Variants in MDGA2 observed in about 807,000 individuals in gnomAD.
MDGA2 encodes the protein MAM domain-containing glycosylphosphatidylinositol anchor protein 2.
MDGA2 carries 40 observed loss-of-function variants against 117.8 expected under a neutral mutation model. The observed-to-expected ratio is 0.34, with a 90% CI of 0.26 to 0.44. The LOEUF (loss-of-function observed/expected upper bound fraction) is 0.44. Ranked by LOEUF, MDGA2 falls within the 20% of genes least tolerant of loss-of-function variation. The probability of loss-of-function intolerance (pLI) is 1.00; values close to 1 mark genes in which losing one functional copy is unlikely to be tolerated. For synonymous variants in MDGA2, 452 were observed against 439.0 expected (o/e 1.03, Z -0.37); for missense variants, 1,123 against 1,250.6 (o/e 0.90, Z 1.54).
intron 1 of MDGA2, among the ~76,000 whole-genome samples, chr14:47,654,347 C>G (rs535812189): frequency 5.9e-4 from 90 of 152,142 alleles, no homozygotes; most frequent in African/African-American, 2.0e-3. Context: ...TGTTAAGAGA[C>G]TAGTGTTTCC....
chr14:47,550,775 A>G (rs1342570414), intron 1 of MDGA2, among the ~76,000 whole-genome samples: 1 of 152,236 alleles, frequency 6.6e-6, no homozygotes, highest in East Asian at 1.9e-4. Context: ...ATATTGCCAG[A>G]TGGGACAATG....
rs1264838662 is a variant in MDGA2 at position 47,134,175 on chromosome 14, G to GT, written c.793-2330dup. 7.9e-5 allele frequency among the ~76,000 whole-genome samples: 12 copies of GT among 152,072 alleles called. No individual in the cohort carries two copies. The East Asian group carries it at 2.3e-3, about 29-fold the overall frequency. ...CCTTGCCAGACTTCTCCCTTTGCCA[G>GT]TAAGTACCCAGAGAGTAGAGATTAT... On this transcript the variant is annotated intron_variant, in intron 4 of 16. Transcript: ENST00000399232.
At chr14:47,343,717 A>G (rs559837835) in intron 1 of MDGA2, among the ~76,000 whole-genome samples, 1 of 152,224 alleles carries the variant, frequency 6.6e-6, no homozygotes, top group African/African-American at 2.4e-5. Flanking sequence ...ATAATTTCAT[A>G]TTGCTCTGTT....
At chr14:47,178,361 A>C (rs1167221689) in intron 3 of MDGA2, among the ~76,000 whole-genome samples, 1 of 152,146 alleles carries the variant, frequency 6.6e-6, no homozygotes, top group Non-Finnish European at 1.5e-5. Flanking sequence ...GGCTGACATC[A>C]GTGTTTTTTC....
intron 1 of MDGA2, among the ~76,000 whole-genome samples, chr14:47,363,500 C>A (rs1213200925): frequency 6.6e-6 from 1 of 152,130 alleles, no homozygotes; most frequent in Non-Finnish European, 1.5e-5. Context: ...TCAAGTGATT[C>A]GCACACCTCA....
At chr14:47,051,806 T>C (rs117442579) in intron 7 of MDGA2, among the ~76,000 whole-genome samples, 3,689 of 152,054 alleles carry the variant, frequency 0.024, 79 homozygotes, top group Middle Eastern at 0.065. Context: ...TAAATACTGC[T>C]ATTTAATTTT....
At chr14:47,348,165 A>ATGTG (rs1482857980) in intron 1 of MDGA2, among the ~76,000 whole-genome samples, 1 of 45,712 alleles carries the variant, frequency 2.2e-5, no homozygotes, top group African/African-American at 6.4e-5. Flanking sequence ...CTCTCTCTGT[A>ATGTG]TATGTGTGTG....
rs569174503 is a variant in MDGA2, at chr14:47,255,777, A to G, written c.421-37582T>C. Reference sequence around the variant, plus strand: ...TGGTCCTACCCAATGCAGTTCTAACATAAAATAAGCTTCCAGGATATTATT... The same window carrying G: ...TGGTCCTACCCAATGCAGTTCTAACGTAAAATAAGCTTCCAGGATATTATT... On this transcript the variant is annotated intron_variant, in intron 2 of 16. Coordinates refer to ENST00000399232, the MANE Select transcript of MDGA2 (RefSeq NM_001113498.3). Among the ~76,000 whole-genome samples the G allele has an allele frequency of 1.2e-3, 182 of 152,178 alleles. 1 individual carries two copies. The highest frequency in any genetic ancestry group is 6.9e-4 in the Non-Finnish European group (47 of 68,032).
chr14:47,445,419 T>C (rs1010779869), intron 1 of MDGA2, among the ~76,000 whole-genome samples: 2 of 152,142 alleles, frequency 1.3e-5, no homozygotes, highest in Admixed American at 1.3e-4. Flanking sequence ...CTTCTGAAAG[T>C]AAATGTTTTC....
intron 8 of MDGA2, among the ~76,000 whole-genome samples, chr14:47,004,871 C>A (rs1410864759): frequency 6.6e-6 from 1 of 151,530 alleles, no homozygotes; most frequent in East Asian, 1.9e-4. Flanking sequence ...TTTCCTAATT[C>A]TAAATTCTGT....
intron 7 of MDGA2, among the ~76,000 whole-genome samples, chr14:47,041,563 A>G (rs7154622): frequency 0.14 from 21,756 of 151,948 alleles, 2,065 homozygotes; most frequent in Non-Finnish European, 0.19. Flanking sequence ...TGCCTGAAAT[A>G]CTACTGCAGG....
intron 14 of MDGA2, among the ~76,000 whole-genome samples, chr14:46,864,694 T>C (rs1372382179): frequency 6.6e-6 from 1 of 150,950 alleles, no homozygotes; most frequent in East Asian, 2.0e-4. Context: ...TTATCAGCAT[T>C]AAATACCAAC....
At chr14:47,425,548 G>C (rs144777380) in intron 1 of MDGA2, among the ~76,000 whole-genome samples, 3 of 152,066 alleles carry the variant, frequency 2.0e-5, no homozygotes, top group Non-Finnish European at 4.4e-5. Flanking sequence ...AGCCACTGAG[G>C]CTATAATCTT....
intron 10 of MDGA2, among the ~76,000 whole-genome samples, chr14:46,896,125 A>T (rs1883066660): frequency 6.6e-6 from 1 of 152,202 alleles, no homozygotes; most frequent in Non-Finnish European, 1.5e-5. Flanking sequence ...TTTTAGCTTG[A>T]TGTCTCTTAA....
intron 8 of MDGA2, among the ~76,000 whole-genome samples, chr14:47,010,256 T>C (rs559184387): frequency 3.9e-5 from 6 of 152,150 alleles, no homozygotes; most frequent in South Asian, 2.1e-4. Flanking sequence ...AAATAGTCAA[T>C]AGATGCTTTT....
At chr14:47,328,979 T>C (rs1890220888) in intron 1 of MDGA2, among the ~76,000 whole-genome samples, 1 of 152,208 alleles carries the variant, frequency 6.6e-6, no homozygotes, top group Non-Finnish European at 1.5e-5. Context: ...AATTTTTAAC[T>C]AGTTCTTGCT....
At chr14:47,478,883 C>G (rs796778213) in intron 1 of MDGA2, among the ~76,000 whole-genome samples, 4 of 152,176 alleles carry the variant, frequency 2.6e-5, no homozygotes, top group South Asian at 2.1e-4. Flanking sequence ...CATCTTGAAG[C>G]CTTTGAAATG....
At chr14:47,576,992 C>A (rs1027099660) in intron 1 of MDGA2, among the ~76,000 whole-genome samples, 6 of 152,074 alleles carry the variant, frequency 3.9e-5, no homozygotes, top group Admixed American at 1.3e-4. Context: ...TTTAAGCAAC[C>A]CTCTTGCCTC....
chr14:47,398,568 T>A (rs1892066957), intron 1 of MDGA2, among the ~76,000 whole-genome samples: 1 of 152,218 alleles, frequency 6.6e-6, no homozygotes, highest in Non-Finnish European at 1.5e-5. Context: ...ACTATCATGA[T>A]TATTTCCAGC....
Sources: allele counts gnomAD v4.1 joint callset (sites outside exome capture counted in the v4.1 genomes callset), GRCh38; gene constraint gnomAD v4.1.1; transcripts MANE v1.5; gene names NCBI Gene and HGNC (gene_info 2026-07-23, HGNC 2026-07-21).